HMGCLL1: variants seen among roughly 807,000 people sequenced by gnomAD.
HMGCLL1 encodes 3-hydroxymethyl-3-methylglutaryl-CoA lyase, cytoplasmic.
Under a neutral mutation model 39.1 loss-of-function variants are expected in HMGCLL1, and 36 were observed. That is an observed-to-expected ratio of 0.92 (90% CI 0.71 to 1.22). HMGCLL1 has a LOEUF of 1.22. HMGCLL1 is among the 50% of genes most tolerant of loss of function. HMGCLL1 has a pLI of 0.00. For synonymous variants in HMGCLL1, 149 were observed against 144.0 expected (o/e 1.03, Z -0.25); for missense variants, 451 against 416.5 (o/e 1.08, Z -0.72).
intron 1 of HMGCLL1, chr6:55,566,530 C>G (rs570864792): frequency 1.3e-5 from 6 of 447,584 alleles, no homozygotes; most frequent in South Asian, 9.5e-5. Flanking sequence ...AGCCCGAACA[C>G]TGAATCCTAA....
chr6:55,485,117 C>T (rs1157140455), intron 7 of HMGCLL1, among the ~76,000 whole-genome samples: 2 of 152,102 alleles, frequency 1.3e-5, no homozygotes, highest in African/African-American at 2.4e-5. Context: ...ATACCCACAT[C>T]TTCTCCAGTT....
upstream of HMGCLL1, among the ~76,000 whole-genome samples, chr6:55,582,879 G>A (rs1183201416): frequency 6.6e-6 from 1 of 151,862 alleles, no homozygotes; most frequent in Non-Finnish European, 1.5e-5. Context: ...ATACATATAT[G>A]TATGTACACA....
intron 3 of HMGCLL1, among the ~76,000 whole-genome samples, chr6:55,521,240 G>T (rs1308414680): frequency 6.6e-6 from 1 of 152,094 alleles, no homozygotes; most frequent in East Asian, 1.9e-4. Context: ...AATTCCCTGA[G>T]ATTAGTGGAA....
chr6:55,655,566 A>AGATAGATAGAT, the HMGCLL1 span, among the ~76,000 whole-genome samples: 4 of 151,782 alleles, frequency 2.6e-5, 1 homozygote, highest in African/African-American at 9.7e-5. Context: ...ATAGATAGAT[A>AGATAGATAGAT]GATAGATAGA....
At chr6:55,670,039 G>T in the HMGCLL1 span, among the ~76,000 whole-genome samples, 1 of 151,790 alleles carries the variant, frequency 6.6e-6, no homozygotes, top group African/African-American at 2.4e-5. Flanking sequence ...TTCACATTCA[G>T]ATTCATCATA....
chr6:55,593,597 TTG>T, the HMGCLL1 span, among the ~76,000 whole-genome samples: 1 of 152,156 alleles, frequency 6.6e-6, no homozygotes, highest in Non-Finnish European at 1.5e-5. Context: ...GTTTTAAACG[TTG>T]TTTTAATTTT....
the HMGCLL1 span, among the ~76,000 whole-genome samples, chr6:55,650,108 T>TATATATATATATATACACACACATATAC: frequency 5.3e-5 from 4 of 75,788 alleles, no homozygotes; most frequent in East Asian, 2.7e-3. Flanking sequence ...TATATATATA[T>TATATATATATATATACACACACATATAC]ATATATATAT....
chr6:55,548,175 CT>C (rs1423947417), intron 1 of HMGCLL1, among the ~76,000 whole-genome samples: 2 of 152,002 alleles, frequency 1.3e-5, no homozygotes, highest in Non-Finnish European at 2.9e-5. Context: ...TATCTGCTTA[CT>C]TTTTAGCAGT....
chr6:55,443,267 G>A (rs1399541385), intron 7 of HMGCLL1, among the ~76,000 whole-genome samples: 2 of 152,090 alleles, frequency 1.3e-5, no homozygotes, highest in Non-Finnish European at 2.9e-5. Context: ...TTCAAGAAAA[G>A]CAGGTTTTGA....
At chr6:55,603,420 G>A in the HMGCLL1 span, among the ~76,000 whole-genome samples, 2 of 151,208 alleles carry the variant, frequency 1.3e-5, no homozygotes, top group East Asian at 2.0e-4. Flanking sequence ...GTATTTGTGA[G>A]CACTCTTGCT....
At chr6:55,529,489 A>G in intron 3 of HMGCLL1, among the ~76,000 whole-genome samples, 1 of 106,818 alleles carries the variant, frequency 9.4e-6, no homozygotes. Flanking sequence ...GTAATAAGAC[A>G]CTGGCTGTGG....
chr6:55,659,681 T>A, the HMGCLL1 span, among the ~76,000 whole-genome samples: 5 of 151,924 alleles, frequency 3.3e-5, no homozygotes, highest in Non-Finnish European at 5.9e-5. Context: ...TGTTTTTTGA[T>A]GTGTTCATTT....
At chr6:55,485,091 G>A (rs1050830253) in intron 7 of HMGCLL1, among the ~76,000 whole-genome samples, 1 of 152,076 alleles carries the variant, frequency 6.6e-6, no homozygotes, top group South Asian at 2.1e-4. Flanking sequence ...TCTGTTCCCA[G>A]TTGTGAAGTG....
At chr6:55,543,467 T>TG (rs1561951577) in intron 1 of HMGCLL1, among the ~76,000 whole-genome samples, 76 of 9,668 alleles carry the variant, frequency 7.9e-3, no homozygotes, top group African/African-American at 0.014. Flanking sequence ...ATATCATATA[T>TG]ATCATATATA....
chr6:55,570,594 C>T (rs901324569), intron 1 of HMGCLL1, among the ~76,000 whole-genome samples: 5 of 152,102 alleles, frequency 3.3e-5, no homozygotes, highest in Admixed American at 3.3e-4. Context: ...ACCATCATTC[C>T]CTTCATCCCA....
At chr6:55,539,249 A>G (rs1318535544) in intron 3 of HMGCLL1, among the ~76,000 whole-genome samples, 1 of 152,166 alleles carries the variant, frequency 6.6e-6, no homozygotes, top group Non-Finnish European at 1.5e-5. Context: ...GGCTTTGTCA[A>G]TGGGAGGAAG....
chr6:55,535,173 T>G (rs763797912), intron 3 of HMGCLL1, among the ~76,000 whole-genome samples: 8 of 152,204 alleles, frequency 5.3e-5, no homozygotes, highest in Non-Finnish European at 1.2e-4. Flanking sequence ...GACCAAATAT[T>G]GGACAAACAG....
intron 1 of HMGCLL1, among the ~76,000 whole-genome samples, chr6:55,574,594 G>T (rs1771674453): frequency 6.6e-6 from 1 of 151,758 alleles, no homozygotes; most frequent in Admixed American, 6.6e-5. Context: ...TTCAAAAGAA[G>T]CTGGAAAAGA....
intron 3 of HMGCLL1, among the ~76,000 whole-genome samples, chr6:55,534,119 G>C (rs1581910810): frequency 1.3e-5 from 2 of 152,128 alleles, no homozygotes; most frequent in African/African-American, 4.8e-5. Flanking sequence ...TAGGAGTGAG[G>C]TAAGTATTGT....
Sources: allele counts gnomAD v4.1 joint callset (sites outside exome capture counted in the v4.1 genomes callset), GRCh38; gene constraint gnomAD v4.1.1; transcripts MANE v1.5; gene names NCBI Gene and HGNC (gene_info 2026-07-23, HGNC 2026-07-21).